Variants in IGF1R observed in about 807,000 individuals in gnomAD.
IGF1R encodes insulin-like growth factor 1 receptor.
Under a neutral mutation model 144.6 loss-of-function variants are expected in IGF1R, and 44 were observed. That is an observed-to-expected ratio of 0.30 (90% CI 0.24 to 0.39). The LOEUF (loss-of-function observed/expected upper bound fraction) is 0.39, where lower values mean the gene tolerates loss of function less well. Among genes scored for constraint, IGF1R ranks in the 10% least tolerant of loss-of-function variants. The pLI is 1.00. For synonymous variants in IGF1R, 795 were observed against 722.8 expected, an observed-to-expected ratio of 1.10 and a Z score of -1.60; for missense variants, 1,355 against 1,833.7, an observed-to-expected ratio of 0.74 and a Z score of 4.77.
intron 1 of IGF1R, among the ~76,000 whole-genome samples, chr15:98,655,184 CAA>C (rs1004520049): frequency 1.5e-5 from 2 of 135,588 alleles, no homozygotes; most frequent in African/African-American, 4.9e-5. Flanking sequence ...GGTTAGTAAA[CAA>C]AGGATCTTTA....
chr15:98,879,482 G>A (rs756153952), intron 2 of IGF1R, among the ~76,000 whole-genome samples: 4 of 152,162 alleles, frequency 2.6e-5, no homozygotes, highest in African/African-American at 4.8e-5. Flanking sequence ...ATTAGAGCAC[G>A]TGTCCTGCTG....
At chr15:98,733,028 C>G (rs67291025) in intron 2 of IGF1R, among the ~76,000 whole-genome samples, 46,929 of 151,986 alleles carry the variant, frequency 0.31, 7,417 homozygotes, top group South Asian at 0.38. Context: ...ACATGTTTGT[C>G]TTTTAGATTC....
At chr15:98,924,121 A>T in intron 12 of IGF1R, 109 bp downstream of exon 12, 2 of 1,108,670 alleles carry the variant, frequency 1.8e-6, no homozygotes, top group Non-Finnish European at 2.8e-6. Context: ...TAAAACAATA[A>T]AATCCATGCC....
At chr15:98,910,902 A>G (rs1464442224) in intron 6 of IGF1R, among the ~76,000 whole-genome samples, 4 of 152,226 alleles carry the variant, frequency 2.6e-5, no homozygotes. Flanking sequence ...CAACTGCAGA[A>G]CAAGTGTCAT....
Position 98,934,825 on chromosome 15 carries a change from G to A in IGF1R, c.2958G>A (p.Val986=), listed in dbSNP as rs774837365. The A allele has an allele frequency of 2.2e-5, 35 of 1,613,702 alleles. 1 individual carries two copies. The South Asian group carries it at 3.2e-4, about 15-fold the overall frequency. The part of the protein sequence containing the change: ...VNPEYFSAAD[V]YVPDEWEVAR... ...CTTTAATTACGGTTTCTTCTCCAGT[G>A]TACGTTCCTGATGAGTGGGAGGTGG... is the stretch of plus-strand genomic sequence containing the variant. Residue 986 remains valine, a splice_region_variant and synonymous_variant, in exon 16 of 21, where the codon GTG becomes GTA. Coordinates refer to ENST00000650285, the MANE Select transcript of IGF1R (RefSeq NM_000875.5).
chr15:98,779,683 C>T (rs372476546), intron 2 of IGF1R, among the ~76,000 whole-genome samples: 1 of 152,208 alleles, frequency 6.6e-6, no homozygotes, highest in East Asian at 1.9e-4. Context: ...AGGTTGACAA[C>T]ACATTAGCAC....
intron 1 of IGF1R, among the ~76,000 whole-genome samples, chr15:98,667,158 G>A (rs2052763958): frequency 2.4e-5 from 2 of 84,588 alleles, no homozygotes; most frequent in Non-Finnish European, 5.1e-5. Context: ...TTCTTTCAAG[G>A]AAAGCAAGTC....
intron 2 of IGF1R, among the ~76,000 whole-genome samples, chr15:98,746,327 T>C (rs565684023): frequency 2.0e-5 from 3 of 152,214 alleles, no homozygotes; most frequent in African/African-American, 7.2e-5. Flanking sequence ...GCTTGCATTA[T>C]GTATCAAAAC....
At chr15:98,666,841 TTG>T (rs2052754439) in intron 1 of IGF1R, among the ~76,000 whole-genome samples, 1 of 152,130 alleles carries the variant, frequency 6.6e-6, no homozygotes, top group Non-Finnish European at 1.5e-5. Flanking sequence ...TTGAGCAACA[TTG>T]TGAATCAGTG....
chr15:98,891,519 C>T lies in IGF1R; in HGVS notation c.835C>T (p.Arg279Cys), dbSNP rs1567180721. 3.1e-6 allele frequency: 5 copies of T among 1,613,490 alleles called. No homozygotes were observed. The highest frequency in any genetic ancestry group is 4.2e-6 in the Non-Finnish European group (5 of 1,180,024). ...GTTTGAGGGCTGGCGCTGTGTGGAC[C>T]GTGACTTCTGCGCCAACATCCTCAG... ...YRFEGWRCVD[R>C]DFCANILSAE... The change falls in exon 3 of 21, where the codon CGT (arginine) becomes TGT (cysteine). Residue 279 changes from arginine (R) to cysteine (C), a missense_variant. By Grantham distance (180) the Arg-to-Cys change is radical (BLOSUM62 -3). Transcript: ENST00000650285. The surrounding 1 kb of genome is among the most constrained non-coding windows in gnomAD (Gnocchi z 4.7).
At chr15:98,701,894 C>T (rs909197517) in intron 1 of IGF1R, among the ~76,000 whole-genome samples, 1 of 152,122 alleles carries the variant, frequency 6.6e-6, no homozygotes, top group African/African-American at 2.4e-5. Flanking sequence ...AAGCACTTAC[C>T]TGATTCTTAT....
intron 6 of IGF1R, 113 bp from the exon 7 acceptor site, chr15:98,911,202 G>A: frequency 2.5e-6 from 3 of 1,217,326 alleles, no homozygotes; most frequent in South Asian, 2.5e-5. Context: ...GCCCAGAAGG[G>A]AACTTAGCAT....
chr15:98,688,999 A>G (rs1326888654), intron 1 of IGF1R, among the ~76,000 whole-genome samples: 3 of 152,180 alleles, frequency 2.0e-5, no homozygotes, highest in Non-Finnish European at 4.4e-5. Flanking sequence ...GGCTGCCCAG[A>G]TGTTAACATC....
rs2016114539 is a variant in IGF1R at position 98,935,659 on chromosome 15, C to T, written c.3297+233C>T. On this transcript the variant is annotated intron_variant, in intron 17 of 20. Transcript: ENST00000650285. The surrounding 1 kb of genome is among the most constrained non-coding windows in gnomAD (Gnocchi z 4.2). ...TCCTTGGATCCCCTCTGCTAAGCCCCTCTGTGCCTTTGTTCCTGCATTCCC... is the reference window on the plus strand; with the variant it reads ...TCCTTGGATCCCCTCTGCTAAGCCCTTCTGTGCCTTTGTTCCTGCATTCCC... Among the ~76,000 whole-genome samples the T allele has an allele frequency of 6.6e-6, 1 of 152,164 alleles. No individual in the cohort carries two copies. The highest frequency in any genetic ancestry group is 2.4e-5 in the African/African-American group (1 of 41,432).
chr15:98,827,805 A>G (rs2056922493), intron 2 of IGF1R, among the ~76,000 whole-genome samples: 1 of 151,960 alleles, frequency 6.6e-6, no homozygotes, highest in Non-Finnish European at 1.5e-5. Context: ...CTGGTCTCAA[A>G]CTCCTGACGT....
At chr15:98,811,220 G>A (rs1456605196) in intron 2 of IGF1R, among the ~76,000 whole-genome samples, 1 of 152,044 alleles carries the variant, frequency 6.6e-6, no homozygotes, top group African/African-American at 2.4e-5. Flanking sequence ...AGAATCACTT[G>A]AACCCAGGAG....
At chr15:98,662,124 C>A (rs754937242) in intron 1 of IGF1R, among the ~76,000 whole-genome samples, 7 of 151,792 alleles carry the variant, frequency 4.6e-5, no homozygotes, top group Non-Finnish European at 7.4e-5. Context: ...GGATTACAGG[C>A]GTGTGCCACC....
intron 2 of IGF1R, among the ~76,000 whole-genome samples, chr15:98,812,679 G>A (rs1390390839): frequency 6.6e-6 from 1 of 152,088 alleles, no homozygotes; most frequent in Non-Finnish European, 1.5e-5. Context: ...TGAAAACTTC[G>A]TCGTATAATA....
At chr15:98,695,893 T>C (rs559057092) in intron 1 of IGF1R, among the ~76,000 whole-genome samples, 2 of 152,284 alleles carry the variant, frequency 1.3e-5, no homozygotes, top group East Asian at 3.9e-4. Flanking sequence ...TGGTCCCTGC[T>C]CTCACTTGGA....
Sources: gnomAD v4.1 joint callset for allele counts (sites outside exome capture counted in the v4.1 genomes callset) on GRCh38, gnomAD v4.1.1 for gene constraint, Gnocchi (gnomAD v3.1) non-coding constraint, MANE v1.5 for transcripts, NCBI Gene and HGNC (gene_info 2026-07-23, HGNC 2026-07-21) for gene names.